Variants in WWOX observed in about 807,000 individuals in gnomAD.
WWOX encodes the protein WW domain containing oxidoreductase, also known as WW domain-containing oxidoreductase.
A neutral mutation model predicts 46.2 loss-of-function variants in WWOX; 69 were observed. The observed-to-expected ratio is 1.49, with a 90% CI of 1.23 to 1.82. WWOX has a LOEUF of 1.82. WWOX is among the 40% of genes most tolerant of loss of function. The pLI, the probability that WWOX is intolerant of heterozygous loss-of-function variation, is 0.00. For missense variants in WWOX, 919 were observed against 542.6 expected, an observed-to-expected ratio of 1.69 and a Z score of -6.89; for synonymous variants, 359 against 202.6, an observed-to-expected ratio of 1.77 and a Z score of -6.56.
chr16:78,928,613 A>C (rs2045554434), intron 8 of WWOX, among the ~76,000 whole-genome samples: 1 of 152,112 alleles, frequency 6.6e-6, no homozygotes, highest in African/African-American at 2.4e-5. Flanking sequence ...TACACTTTCT[A>C]AATAGATGAA....
intron 8 of WWOX, among the ~76,000 whole-genome samples, chr16:78,715,064 T>C (rs2048529690): frequency 6.6e-6 from 1 of 152,116 alleles, no homozygotes; most frequent in South Asian, 2.1e-4. Flanking sequence ...GATGATTGCT[T>C]GAGCCCAGGA....
chr16:78,840,322 G>A (rs541307068), intron 8 of WWOX, among the ~76,000 whole-genome samples: 2 of 152,240 alleles, frequency 1.3e-5, no homozygotes, highest in African/African-American at 4.8e-5. Context: ...TTTGAAGAGC[G>A]ATTCTTGTGT....
intron 5 of WWOX, among the ~76,000 whole-genome samples, chr16:78,383,581 T>A (rs544795121): frequency 1.3e-5 from 2 of 152,174 alleles, no homozygotes; most frequent in Non-Finnish European, 2.9e-5. Flanking sequence ...TACCTTCTTA[T>A]TTAGAGCATG....
At chr16:78,942,654 A>G (rs765766174) in intron 8 of WWOX, among the ~76,000 whole-genome samples, 1 of 152,246 alleles carries the variant, frequency 6.6e-6, no homozygotes, top group Non-Finnish European at 1.5e-5. Flanking sequence ...CGTGGCATGA[A>G]GAGAAAATGG....
At chr16:78,232,841 C>CTTTTA (rs1309587671) in intron 5 of WWOX, among the ~76,000 whole-genome samples, 3 of 151,566 alleles carry the variant, frequency 2.0e-5, no homozygotes, top group African/African-American at 4.8e-5. Context: ...CTTTTTCTTT[C>CTTTTA]TTTTCTTTTC....
chr16:78,869,659 C>G (rs1202626504), intron 8 of WWOX, among the ~76,000 whole-genome samples: 1 of 152,074 alleles, frequency 6.6e-6, no homozygotes, highest in African/African-American at 2.4e-5. Context: ...TTTTTGTGGA[C>G]GTGGGGAGTG....
chr16:78,664,871 G>A (rs189845900), intron 8 of WWOX, among the ~76,000 whole-genome samples: 403 of 152,292 alleles, frequency 2.6e-3, no homozygotes, highest in African/African-American at 9.2e-3. Context: ...TGCGTAAAAC[G>A]GAATTTGCCA....
At chr16:78,108,262 A>G (rs2032276115) in intron 1 of WWOX, among the ~76,000 whole-genome samples, 161 bp from the exon 2 acceptor site, 1 of 150,922 alleles carries the variant, frequency 6.6e-6, no homozygotes, top group Admixed American at 6.7e-5. Flanking sequence ...CAAACCTCCT[A>G]AAGTTGACCC....
At chr16:78,840,599 C>G (rs532302318) in intron 8 of WWOX, among the ~76,000 whole-genome samples, 3 of 152,118 alleles carry the variant, frequency 2.0e-5, no homozygotes, top group Admixed American at 2.0e-4. Context: ...AGTATCTACT[C>G]TAGTAGTTGC....
At position 79,103,477 on chromosome 16, in the gene WWOX, C is replaced by G. The variant is rs554288997; in HGVS notation, c.1057-108131C>G. On this transcript the variant is annotated intron_variant, in intron 8 of 8. Transcript: ENST00000566780. ...CTTCCTTGGATTTTGTGCCTCTTCC[C>G]CTGTTCCTGAGGCCCCCACTGGGAA... 4.5e-4 allele frequency among the ~76,000 whole-genome samples: 69 copies of G among 152,300 alleles called. 1 individual carries two copies. The highest frequency in any genetic ancestry group is 3.4e-3 in the Middle Eastern group (1 of 294).
intron 8 of WWOX, among the ~76,000 whole-genome samples, chr16:79,194,796 T>G (rs148143812): frequency 6.6e-6 from 1 of 152,272 alleles, no homozygotes; most frequent in African/African-American, 2.4e-5. Context: ...TATTATACAT[T>G]CAGTAGAGTT....
In WWOX at chr16:78,588,205, C is replaced by G. The variant is rs866939343; in HGVS notation, c.1056+155453C>G. 3.3e-5 allele frequency among the ~76,000 whole-genome samples: 5 copies of G among 152,144 alleles called. No homozygotes were observed. The South Asian group carries it at 6.2e-4, about 19-fold the overall frequency. ...GGTGGCTCCATTGCTCCAGGTGAAGCTCTTGAAATACTCTGTAGATGACAA... is the reference window on the plus strand; with the variant it reads ...GGTGGCTCCATTGCTCCAGGTGAAGGTCTTGAAATACTCTGTAGATGACAA... On this transcript the variant is annotated intron_variant, in intron 8 of 8. Coordinates refer to ENST00000566780, the MANE Select transcript of WWOX (RefSeq NM_016373.4).
At chr16:79,050,385 C>A (rs2048144205) in intron 8 of WWOX, among the ~76,000 whole-genome samples, 1 of 152,152 alleles carries the variant, frequency 6.6e-6, no homozygotes, top group African/African-American at 2.4e-5. Flanking sequence ...AGGGCTAGAC[C>A]AGACATGACT....
At chr16:78,904,404 A>G (rs767996395) in intron 8 of WWOX, among the ~76,000 whole-genome samples, 1 of 151,736 alleles carries the variant, frequency 6.6e-6, no homozygotes, top group African/African-American at 2.4e-5. Flanking sequence ...GCGCCCAGCT[A>G]ATTTTTGTAT....
At chr16:78,803,812 T>G (rs2050957632) in intron 8 of WWOX, among the ~76,000 whole-genome samples, 1 of 152,098 alleles carries the variant, frequency 6.6e-6, no homozygotes, top group Non-Finnish European at 1.5e-5. Context: ...AGTGGCATGA[T>G]GGAGGAATTT....
chr16:78,528,979 G>A (rs2043553511), intron 8 of WWOX, among the ~76,000 whole-genome samples: 1 of 147,676 alleles, frequency 6.8e-6, no homozygotes, highest in Non-Finnish European at 1.5e-5. Flanking sequence ...TTTTAGGGAG[G>A]GTCTGGCTGT....
chr16:78,758,737 A>C (rs2049718809), intron 8 of WWOX, among the ~76,000 whole-genome samples: 1 of 152,108 alleles, frequency 6.6e-6, no homozygotes, highest in African/African-American at 2.4e-5. Context: ...AATGGAGTTA[A>C]AAATTTATAC....
Position 78,809,617 on chromosome 16 carries a change from C to T in WWOX, c.1056+376865C>T, listed in dbSNP as rs113744633. Among the ~76,000 whole-genome samples the T allele has an allele frequency of 5.6e-3, 846 of 152,226 alleles. 14 individuals carry two copies. Among genetic ancestry groups the T allele is most frequent in the African/African-American group, 0.019 (808 of 41,526 alleles). On this transcript the variant is annotated intron_variant, in intron 8 of 8. Coordinates refer to ENST00000566780, the MANE Select transcript of WWOX (RefSeq NM_016373.4). ...CCTCCTCCTATCAGTTTTTCAGAAA[C>T]TCCAGAAATTTAACCTAGTACACAG...
At chr16:78,351,977 A>G (rs1449317376) in intron 5 of WWOX, among the ~76,000 whole-genome samples, 2 of 152,072 alleles carry the variant, frequency 1.3e-5, no homozygotes, top group Non-Finnish European at 2.9e-5. Flanking sequence ...TTTTCTTCAA[A>G]CCTAGATCAA....
Sources: allele counts gnomAD v4.1 joint callset (sites outside exome capture counted in the v4.1 genomes callset), GRCh38; gene constraint gnomAD v4.1.1; transcripts MANE v1.5; gene names NCBI Gene and HGNC (gene_info 2026-07-23, HGNC 2026-07-21).